Variants in HGSNAT observed in about 807,000 individuals in gnomAD.
HGSNAT encodes the protein transmembrane protein 76.
Under a neutral mutation model 85.2 loss-of-function variants are expected in HGSNAT, and 59 were observed. That is an observed-to-expected ratio of 0.69 (90% CI 0.56 to 0.86). The LOEUF (loss-of-function observed/expected upper bound fraction) is 0.86, where lower values mean the gene tolerates loss of function less well. Among genes scored for constraint, HGSNAT ranks in the 40% least tolerant of loss-of-function variants. HGSNAT has a pLI of 0.00. For missense variants in HGSNAT, 756 were observed against 777.1 expected, an observed-to-expected ratio of 0.97 and a Z score of 0.32; for synonymous variants, 321 against 304.5, an observed-to-expected ratio of 1.05 and a Z score of -0.56.
intron 11 of HGSNAT, among the ~76,000 whole-genome samples, chr8:43,190,522 T>C (rs1804492262): frequency 6.6e-6 from 1 of 152,164 alleles, no homozygotes; most frequent in Non-Finnish European, 1.5e-5. Context: ...CGTGCCTGAG[T>C]GGGCACAGAG....
chr8:43,170,004 A>G (rs1218557344), intron 6 of HGSNAT, among the ~76,000 whole-genome samples: 1 of 151,714 alleles, frequency 6.6e-6, no homozygotes, highest in Non-Finnish European at 1.5e-5. Context: ...TATTTTTTGT[A>G]GAGACAGGGT....
chr8:43,185,242 CATG>C (rs1262960037), intron 11 of HGSNAT, among the ~76,000 whole-genome samples: 6 of 152,204 alleles, frequency 3.9e-5, no homozygotes, highest in African/African-American at 1.2e-4. Context: ...TCGCCATTTT[CATG>C]ATATTGATTC....
chr8:43,193,635 G>A (rs1458153243), intron 13 of HGSNAT, 122 bp from the exon 14 acceptor site: 1 of 623,714 alleles, frequency 1.6e-6, no homozygotes, highest in African/African-American at 1.8e-5. Context: ...ATGAATTTCT[G>A]CAGCAAAAAC....
intron 1 of HGSNAT, 44 bp downstream of exon 1, chr8:43,140,658 AGCGTCTCCT>A: frequency 9.9e-7 from 1 of 1,011,084 alleles, no homozygotes; most frequent in Non-Finnish European, 1.3e-6. Flanking sequence ...CTACGAGCGC[AGCGTCTCCT>A]CTCCGCGGCG....
At chr8:43,186,921 G>A (rs1804334017) in intron 11 of HGSNAT, among the ~76,000 whole-genome samples, 1 of 152,108 alleles carries the variant, frequency 6.6e-6, no homozygotes, top group African/African-American at 2.4e-5. Context: ...TTCAGGAGTG[G>A]GTTGTTCAGT....
chr8:43,169,148 A>G, intron 5 of HGSNAT, 25 bp from the exon 6 acceptor site: 1 of 1,431,704 alleles, frequency 7.0e-7, no homozygotes. Context: ...AAAATAAATT[A>G]ATTGAGCCCT....
At chr8:43,175,279 T>C (rs1013181841) in intron 9 of HGSNAT, among the ~76,000 whole-genome samples, 1 of 152,202 alleles carries the variant, frequency 6.6e-6, no homozygotes, top group Non-Finnish European at 1.5e-5. Flanking sequence ...ACCTCTACTT[T>C]TAGGTTTTGA....
chr8:43,199,270 C>G, intron 17 of HGSNAT, 118 bp from the exon 18 acceptor site: 1 of 678,398 alleles, frequency 1.5e-6, no homozygotes, highest in Non-Finnish European at 2.4e-6. Context: ...TGGCAGTAGC[C>G]AACAATGGAA....
intron 14 of HGSNAT, chr8:43,196,675 G>A: frequency 1.6e-6 from 1 of 631,444 alleles, no homozygotes; most frequent in Non-Finnish European, 2.7e-6. Flanking sequence ...CTTCCTGCGG[G>A]GACCCTCTGG....
intron 2 of HGSNAT, among the ~76,000 whole-genome samples, chr8:43,158,323 T>C (rs866587692): frequency 8.5e-5 from 13 of 152,248 alleles, no homozygotes; most frequent in Middle Eastern, 6.8e-3. Flanking sequence ...TGGTCTTGAT[T>C]TCCTGACCTC....
intron 9 of HGSNAT, among the ~76,000 whole-genome samples, chr8:43,176,268 A>C (rs1041043740): frequency 9.9e-5 from 15 of 152,154 alleles, no homozygotes; most frequent in African/African-American, 3.6e-4. Context: ...CTGCATATGA[A>C]TATCCAGTTT....
chr8:43,190,207 T>C (rs565391042), intron 11 of HGSNAT, among the ~76,000 whole-genome samples: 1 of 152,354 alleles, frequency 6.6e-6, no homozygotes, highest in African/African-American at 2.4e-5. Flanking sequence ...TGGAGTTCAC[T>C]CAGGTGACAG....
Position 43,197,720 on chromosome 8 carries a change from A to G in HGSNAT, c.1591A>G (p.Ile531Val). 6.2e-7 allele frequency: 1 copy of G among 1,613,404 alleles called. No individual in the cohort carries two copies. The highest frequency in any genetic ancestry group is 8.5e-7 in the Non-Finnish European group (1 of 1,179,330). ...LTKVSENEGF[I>V]PVNKNLWSLS... ...GAAGGTTTCTGAAAATGAAGGCTTT[A>G]TTCCAGTAAACAAAAATCTCTGGTA... The change falls in exon 16 of 18, where the codon ATT (isoleucine) becomes GTT (valine). Residue 531 changes from isoleucine (I) to valine (V), a missense_variant. Transcript: ENST00000379644.
chr8:43,180,055 CG>C (rs1224404946), intron 10 of HGSNAT, among the ~76,000 whole-genome samples: 1 of 83,268 alleles, frequency 1.2e-5, no homozygotes, highest in Non-Finnish European at 2.3e-5. Flanking sequence ...GCTGGCCGGG[CG>C]GGGGGCTGAC....
At chr8:43,197,142 C>T in intron 15 of HGSNAT, 117 bp downstream of exon 15, 2 of 692,028 alleles carry the variant, frequency 2.9e-6, no homozygotes, top group Non-Finnish European at 5.2e-6. Flanking sequence ...CAGCAGGTAC[C>T]ATTTTCTTCA....
At chr8:43,192,732 G>A (rs1804580479) in intron 13 of HGSNAT, among the ~76,000 whole-genome samples, 1 of 151,454 alleles carries the variant, frequency 6.6e-6, no homozygotes, top group Non-Finnish European at 1.5e-5. Context: ...AGACCAGCCT[G>A]TGCAATAGTG....
chr8:43,197,514 A>G (rs1416816989), intron 15 of HGSNAT, 158 bp from the exon 16 acceptor site: 1 of 621,286 alleles, frequency 1.6e-6, no homozygotes, highest in Non-Finnish European at 2.8e-6. Context: ...CAGTTCATAC[A>G]TTTAAAAAAA....
Position 43,193,988 on chromosome 8 carries a change from G to A in HGSNAT, c.1464+145G>A, listed in dbSNP as rs117202729. ...TATATTCTGTTATCTTTGACAGATTGTGCAGAACCAAAAGTTACTGAAATT... is the reference window on the plus strand; with the variant it reads ...TATATTCTGTTATCTTTGACAGATTATGCAGAACCAAAAGTTACTGAAATT... On this transcript the variant is annotated intron_variant, in intron 14 of 17. Coordinates refer to ENST00000379644, the MANE Select transcript of HGSNAT (RefSeq NM_152419.3). 0.018 allele frequency: 24,822 copies of A among 1,403,768 alleles called. 248 individuals carry two copies. The highest frequency in any genetic ancestry group is 0.02 in the Non-Finnish European group (21,084 of 1,077,328). 87.0% of individuals were successfully genotyped at this position (1,403,768 alleles called of 1,614,324 possible).
intron 10 of HGSNAT, chr8:43,180,688 C>T (rs896576329): frequency 5.3e-5 from 17 of 317,914 alleles, no homozygotes; most frequent in Middle Eastern, 1.1e-3. Flanking sequence ...ACTTCCCAGA[C>T]GGGGTGGCTG....
Sources: gnomAD v4.1 joint callset for allele counts (sites outside exome capture counted in the v4.1 genomes callset) on GRCh38, gnomAD v4.1.1 for gene constraint, MANE v1.5 for transcripts, NCBI Gene and HGNC (gene_info 2026-07-23, HGNC 2026-07-21) for gene names.